Variants in OPLAH observed in about 807,000 individuals in gnomAD.
The protein encoded by OPLAH is 5-oxoprolinase, ATP-hydrolysing.
In OPLAH, 103 loss-of-function variants were observed where a neutral mutation model predicts 122.8. The observed-to-expected ratio is 0.84, with a 90% CI of 0.71 to 0.99. OPLAH has a LOEUF of 0.99. OPLAH is among the 50% of genes least tolerant of loss of function. The pLI is 0.00. For missense variants in OPLAH, 1,902 were observed against 1,836.5 expected (o/e 1.04, Z -0.65); for synonymous variants, 875 against 796.0 (o/e 1.10, Z -1.67).
upstream of OPLAH, among the ~76,000 whole-genome samples, chr8:144,062,140 ATTCT>A (rs1159878290): frequency 3.9e-5 from 6 of 152,234 alleles, no homozygotes; most frequent in African/African-American, 1.4e-4. Context: ...CTCGCCCTGA[ATTCT>A]TTCTTTCAAG....
Position 144,053,203 on chromosome 8 carries a change from G to A in OPLAH, c.2871+6C>T. 6.2e-7 allele frequency: 1 copy of A among 1,612,168 alleles called. No homozygotes were observed. Among genetic ancestry groups the A allele is most frequent in the East Asian group, 2.2e-5 (1 of 44,868 alleles). On this transcript the variant is annotated splice_donor_region_variant and intron_variant, in intron 20 of 26. Transcript: ENST00000618853. The stretch of plus-strand genomic sequence containing the variant: ...CTGCCGCCCACACTCCTGTGCCCAG[G>A]CCCACCTGAATATGGCCCATGTAGG...
chr8:144,052,129 C>T (rs1324497302), intron 24 of OPLAH, 40 bp downstream of exon 24: 12 of 1,549,794 alleles, frequency 7.7e-6, no homozygotes, highest in African/African-American at 1.4e-5. Flanking sequence ...GCCCCGGCTC[C>T]CACCCGGCCG....
In OPLAH at chr8:144,053,230, C is replaced by T; in HGVS notation, c.2850G>A (p.Gln950=). 6.2e-7 allele frequency: 1 copy of T among 1,612,858 alleles called. No homozygotes were observed. Among genetic ancestry groups the T allele is most frequent in the African/African-American group, 1.3e-5 (1 of 75,036 alleles). The part of the protein sequence containing the change: ...LIGQYGLDVV[Q]AYMGHIQANA... ...CCACCTGAATATGGCCCATGTAGGC[C>T]TGCACCACGTCCAGGCCGTACTGCC... The change falls in exon 20 of 27, where the codon CAG becomes CAA. Residue 950 remains glutamine (Q), a synonymous_variant. Transcript: ENST00000618853.
In OPLAH at chr8:144,057,222, C is replaced by G; in HGVS notation, c.1521G>C (p.Thr507=). The G allele has an allele frequency of 1.2e-6, 2 of 1,611,782 alleles. No homozygotes were observed. The highest frequency in any genetic ancestry group is 1.7e-6 in the Non-Finnish European group (2 of 1,179,518). The change falls in exon 11 of 27, where the codon ACG becomes ACC. Residue 507 remains threonine (T), a synonymous_variant. Coordinates refer to ENST00000618853, the MANE Select transcript of OPLAH (RefSeq NM_017570.5). ...CCCAGGCCCACCTGTGGATGTGCAC[C>G]GTGTCCATGCCCAGGGCCCGGGCGA... The part of the protein sequence containing the change: ...CAIARALGMD[T]VHIHRHSGLL...
At position 144,052,934 on chromosome 8, in the gene OPLAH, C is replaced by T. The variant is rs372608557; in HGVS notation, c.3019-34G>A. On this transcript the variant is annotated intron_variant, in intron 21 of 26. Transcript: ENST00000618853. ...CCCGAGGGAAGGGAGAGGCTGTCAG[C>T]GGCCGCACCGTGCCCCTGCCGCCTA... The T allele has an allele frequency of 1.3e-5, 20 of 1,566,288 alleles. No homozygotes were observed. In the African/African-American group the frequency reaches 2.2e-4, roughly 17 times the overall value.
Position 144,057,952 on chromosome 8 carries a change from T to C in OPLAH, c.1089-29A>G, listed in dbSNP as rs115478257. On this transcript the variant is annotated intron_variant, in intron 8 of 26. Transcript: ENST00000618853. ...GGGGAAGGAAGGGCTGGGGTTGGAG[T>C]TGGACACGAGGAGGGAGACAGGGCT... 4,043 of 1,611,122 alleles carry C rather than the reference T, an allele frequency of 2.5e-3. 47 individuals are homozygous for C. The highest frequency in any genetic ancestry group is 0.023 in the African/African-American group (1,749 of 74,748).
Position 144,056,624 on chromosome 8 carries a change from A to G in OPLAH, c.1838T>C (p.Val613Ala). 1 of 1,612,304 alleles carries G rather than the reference A, an allele frequency of 6.2e-7. No individual in the cohort carries two copies. Among genetic ancestry groups the G allele is most frequent in the Non-Finnish European group, 8.5e-7 (1 of 1,179,772 alleles). ...GAGTCAGGAAGCCACGTACCGCTCC[A>G]CAAAGGCTGCCCCGAAGTCCCCCGC... ...PRAGDFGAAF[V>A]ERYMREFGFV... is the part of the protein sequence containing the mutation. The change falls in exon 13 of 27, where the codon GTG becomes GCG. Residue 613 changes from valine (V) to alanine (A), a missense_variant. By Grantham distance (64) the Val-to-Ala change is moderately conservative (BLOSUM62 0). Transcript: ENST00000618853.
rs371223067 is a variant in OPLAH, at chr8:144,059,683, C to G, written c.279G>C (p.Gly93=). ...VATNALLERK[G]ERVALLVTRG... is the part of the protein sequence containing the mutation. ...GTGTCACCAGCAGCGCCACCCGCTC[C>G]CCCTTCCGCTCCAGCAGTGCGTTGG... The change falls in exon 3 of 27, where the codon GGG becomes GGC. Residue 93 remains glycine (G), a synonymous_variant. Transcript: ENST00000618853. 6.8e-6 allele frequency: 11 copies of G among 1,612,440 alleles called. No individual in the cohort carries two copies. The highest frequency in any genetic ancestry group is 9.3e-6 in the Non-Finnish European group (11 of 1,179,832).
chr8:144,053,479 G>A, intron 19 of OPLAH, 86 bp from the exon 20 acceptor site: 1 of 1,361,290 alleles, frequency 7.3e-7, no homozygotes. Context: ...CAAGGTCTCT[G>A]GCCCCTAGAA....
At chr8:144,060,996 CTGGCGGACGTCCTTCCCCG>C (rs1835653432), upstream of OPLAH, among the ~76,000 whole-genome samples, 2 of 152,230 alleles carry the variant, frequency 1.3e-5, no homozygotes, top group South Asian at 4.1e-4. Flanking sequence ...GGGCTTCCCA[CTGGCGGACGTCCTTCCCCG>C]TGGAGGGGGC....
At position 144,059,058 on chromosome 8, in the gene OPLAH, G is replaced by A; in HGVS notation, c.385C>T (p.Leu129=). 1.3e-6 allele frequency: 2 copies of A among 1,587,676 alleles called. No homozygotes were observed. The highest frequency in any genetic ancestry group is 1.8e-5 in the Admixed American group (1 of 56,654). Residue 129 remains leucine, a synonymous_variant, in exon 4 of 27, where the codon CTG becomes TTG. Transcript: ENST00000618853. ...TCCACCTCCAGCACCTCTTCATACA[G>A]CACCTCAGGCATGGGCACGGCCTGG... ...FDLAVPMPEV[L]YEEVLEVDER... is the part of the protein sequence containing the mutation.
rs369986921 is a variant in OPLAH at position 144,057,659 on chromosome 8, G to A, written c.1211C>T (p.Ala404Val). 3 of 1,606,512 alleles carry A rather than the reference G, an allele frequency of 1.9e-6. No individual in the cohort carries two copies. Among genetic ancestry groups the A allele is most frequent in the East Asian group, 2.2e-5 (1 of 44,776 alleles). ...ANLVLGRLLP[A>V]SFPCIFGPGE... is the part of the protein sequence containing the mutation. Reference sequence around the variant, plus strand: ...CGGCCCAAAAATGCAGGGGAAGGAGGCAGGCAGCAGGCGACCCAGGACCAG... The same window carrying A: ...CGGCCCAAAAATGCAGGGGAAGGAGACAGGCAGCAGGCGACCCAGGACCAG... The change falls in exon 10 of 27, where the codon GCC (alanine) becomes GTC (valine). Residue 404 changes from alanine (A) to valine (V), a missense_variant. Physicochemically the swap from Ala to Val is moderately conservative, Grantham distance 64 (BLOSUM62 0). This residue lies in a region of OPLAH where 1,726 missense variants were observed against 1,642.1 expected (regional missense o/e 1.05). Transcript: ENST00000618853.
At position 144,058,965 on chromosome 8, in the gene OPLAH, C is replaced by T. The variant is rs369287805; in HGVS notation, c.463+15G>A. 2.6e-5 allele frequency: 41 copies of T among 1,558,768 alleles called. No individual in the cohort carries two copies. The highest frequency in any genetic ancestry group is 1.7e-4 in the Middle Eastern group (1 of 6,026). ...CCTCCGGCCCCAAATCCCACAGCAG[C>T]GGCGGCACACACACCTTTCACAGGC... is the stretch of plus-strand genomic sequence containing the variant. On this transcript the variant is annotated intron_variant, in intron 4 of 26. Transcript: ENST00000618853.
In OPLAH at chr8:144,051,723, C is replaced by T. The variant is rs1554757691; in HGVS notation, c.3720+6G>A. On this transcript the variant is annotated splice_donor_region_variant and intron_variant, in intron 26 of 26. Coordinates refer to ENST00000618853, the MANE Select transcript of OPLAH (RefSeq NM_017570.5). ...GGAGGGGGACAGGACAGGCCGCGGC[C>T]CTTACCCCGGGGTACACGGTCACCG... 6.3e-7 allele frequency: 1 copy of T among 1,595,804 alleles called. No homozygotes were observed. The highest frequency in any genetic ancestry group is 1.7e-5 in the Admixed American group (1 of 58,910).
At position 144,051,828 on chromosome 8, in the gene OPLAH, T is replaced by G. The variant is rs782282692; in HGVS notation, c.3623-2A>C. 80 of 1,269,986 alleles carry G rather than the reference T, an allele frequency of 6.3e-5. No homozygotes were observed. Among genetic ancestry groups the G allele is most frequent in the Non-Finnish European group, 7.7e-5 (77 of 994,918 alleles). 78.7% of individuals were successfully genotyped at this position (1,269,986 alleles called of 1,614,324 possible). A position where few individuals can be genotyped will look rare whatever the true frequency, so the allele number is the denominator to read the frequency against. ...GGCCGCGGGCGCCAGGCTCGCCCCC[T>G]GCGGAGGGAGGCGAGGAGTCCAGAG... On this transcript the variant is annotated splice_acceptor_variant, in intron 25 of 26. Coordinates refer to ENST00000618853, the MANE Select transcript of OPLAH (RefSeq NM_017570.5). LOFTEE classifies it high-confidence loss of function.
chr8:144,059,801 C>T lies in OPLAH; in HGVS notation c.172-11G>A. 3.1e-6 allele frequency: 5 copies of T among 1,608,878 alleles called. No individual in the cohort carries two copies. Among genetic ancestry groups the T allele is most frequent in the Non-Finnish European group, 4.2e-6 (5 of 1,178,426 alleles). On this transcript the variant is annotated splice_polypyrimidine_tract_variant and intron_variant, in intron 2 of 26. Transcript: ENST00000618853. ...GAGCATGCCGGCCTCCTGGGGACCA[C>T]GTGGTCAGTGTGGGGCTTCTGGCCG...
chr8:144,051,282 G>A lies in OPLAH; in HGVS notation c.*44C>T. 2 of 1,605,380 alleles carry A rather than the reference G, an allele frequency of 1.2e-6. No homozygotes were observed. Among genetic ancestry groups the A allele is most frequent in the South Asian group, 1.1e-5 (1 of 90,582 alleles). ...AGCACGAACTAGGCGCCGTAGCTGC[G>A]TCCCCAGAACCGGGAGACTTAAGGC... On this transcript the variant is annotated 3_prime_UTR_variant, in exon 27 of 27. Coordinates refer to ENST00000618853, the MANE Select transcript of OPLAH (RefSeq NM_017570.5).
rs368999084 is a variant in OPLAH at position 144,052,909 on chromosome 8, C to A, written c.3019-9G>T. 2.6e-6 allele frequency: 4 copies of A among 1,559,968 alleles called. No individual in the cohort carries two copies. Among genetic ancestry groups the A allele is most frequent in the Non-Finnish European group, 2.6e-6 (3 of 1,152,770 alleles). ...TCAAACACGGCGCTGCCCTGCGCGC[C>A]CCGAGGGAAGGGAGAGGCTGTCAGC... is the stretch of plus-strand genomic sequence containing the variant. On this transcript the variant is annotated splice_polypyrimidine_tract_variant and intron_variant, in intron 21 of 26. Transcript: ENST00000618853.
At chr8:144,056,339 G>C in intron 14 of OPLAH, 46 bp downstream of exon 14, 1 of 1,593,252 alleles carries the variant, frequency 6.3e-7, no homozygotes. Flanking sequence ...TCCCCATCCC[G>C]GTGCCCCATG....
Sources: gnomAD v4.1 joint callset for allele counts (sites outside exome capture counted in the v4.1 genomes callset) on GRCh38, gnomAD v4.1.1 for gene constraint, gnomAD v4.1.1 regional missense constraint, MANE v1.5 for transcripts, NCBI Gene and HGNC (gene_info 2026-07-23, HGNC 2026-07-21) for gene names.